SHISAL2A: variants seen among roughly 807,000 people sequenced by gnomAD.
SHISAL2A encodes the protein protein shisa-like-2A.
Under a neutral mutation model 11.5 loss-of-function variants are expected in SHISAL2A, and 18 were observed. The ratio of observed to expected loss-of-function variants is 1.57; its 90% CI spans 1.08 to 2.33. SHISAL2A has a LOEUF of 2.33. Ranked by LOEUF, SHISAL2A falls within the 30% of genes most tolerant of loss-of-function variation. The pLI is 0.00. For missense variants in SHISAL2A, 261 were observed against 250.9 expected, an observed-to-expected ratio of 1.04 and a Z score of -0.27; for synonymous variants, 94 against 99.6, an observed-to-expected ratio of 0.94 and a Z score of 0.34.
downstream of SHISAL2A, among the ~76,000 whole-genome samples, chr1:52,660,061 G>A (rs1021834993): frequency 6.6e-6 from 1 of 152,162 alleles, no homozygotes; most frequent in Admixed American, 6.5e-5. Context: ...TAGGTCAGGA[G>A]TAAGTCCCCA....
At chr1:52,650,386 C>A (rs1691606939) in intron 2 of SHISAL2A, among the ~76,000 whole-genome samples, 1 of 152,210 alleles carries the variant, frequency 6.6e-6, no homozygotes, top group African/African-American at 2.4e-5. Flanking sequence ...TAGTTCTAAT[C>A]TTGGCCTTGC....
chr1:52,650,574 T>C (rs1691611693), intron 2 of SHISAL2A, among the ~76,000 whole-genome samples: 1 of 152,106 alleles, frequency 6.6e-6, no homozygotes, highest in African/African-American at 2.4e-5. Flanking sequence ...GTCATTTTCA[T>C]TATTATTAGG....
intron 2 of SHISAL2A, among the ~76,000 whole-genome samples, chr1:52,653,989 G>T (rs1262258326): frequency 6.6e-6 from 1 of 152,164 alleles, no homozygotes; most frequent in Non-Finnish European, 1.5e-5. Flanking sequence ...CCAGAATGAG[G>T]ACTTGAGCCA....
intron 4 of SHISAL2A, among the ~76,000 whole-genome samples, chr1:52,662,511 ATTT>A (rs547508025): frequency 1.5e-5 from 2 of 137,654 alleles, no homozygotes; most frequent in Non-Finnish European, 1.6e-5. Flanking sequence ...TGCCCGGCTA[ATTT>A]TTTTTTTTTT....
chr1:52,641,612 G>A (rs77319341), intron 1 of SHISAL2A, among the ~76,000 whole-genome samples: 66 of 152,308 alleles, frequency 4.3e-4, no homozygotes, highest in African/African-American at 1.4e-3. Flanking sequence ...TGACACTGAC[G>A]TTGTCAGCAG....
At chr1:52,667,211 A>T (rs1692029830) in intron 4 of SHISAL2A, among the ~76,000 whole-genome samples, 1 of 152,354 alleles carries the variant, frequency 6.6e-6, no homozygotes, top group South Asian at 2.1e-4. Flanking sequence ...AAAGGTTTAT[A>T]TACTGGTTAC....
intron 1 of SHISAL2A, among the ~76,000 whole-genome samples, chr1:52,641,189 T>C (rs945469245): frequency 1.3e-5 from 2 of 152,178 alleles, no homozygotes; most frequent in African/African-American, 4.8e-5. Context: ...TAAACATAAG[T>C]GTTTTTTTGA....
rs1691801575 is a variant in SHISAL2A at position 52,656,849 on chromosome 1, C to T, written c.382C>T (p.Pro128Ser). 6.2e-7 allele frequency: 1 copy of T among 1,613,994 alleles called. No homozygotes were observed. Among genetic ancestry groups the T allele is most frequent in the Non-Finnish European group, 8.5e-7 (1 of 1,180,018 alleles). The change falls in exon 3 of 3, where the codon CCA becomes TCA. Residue 128 changes from proline to serine, a missense_variant. Transcript: ENST00000517870. Reference protein sequence around the residue: ...GVNTGMAAEVPKVSPLQQSYS... With the variant: ...GVNTGMAAEVSKVSPLQQSYS... Reference sequence around the variant, plus strand: ...GAACACAGGCATGGCGGCAGAAGTGCCAAAAGTGAGCCCTCTCCAGCAGAG... The same window carrying T: ...GAACACAGGCATGGCGGCAGAAGTGTCAAAAGTGAGCCCTCTCCAGCAGAG...
At chr1:52,657,825 A>T (rs1485283149), downstream of SHISAL2A, among the ~76,000 whole-genome samples, 1 of 152,190 alleles carries the variant, frequency 6.6e-6, no homozygotes, top group Non-Finnish European at 1.5e-5. Context: ...ACTGCACTCC[A>T]GCCTGGGCAA....
chr1:52,633,777 C>A lies in SHISAL2A; in HGVS notation c.182+102C>A. The A allele has an allele frequency of 1.1e-6, 1 of 952,180 alleles. No homozygotes were observed. 59.0% of individuals were successfully genotyped at this position (952,180 alleles called of 1,614,324 possible). A position where few individuals can be genotyped will look rare whatever the true frequency, so the allele number is the denominator to read the frequency against. On this transcript the variant is annotated intron_variant, in intron 1 of 2. Coordinates refer to ENST00000517870, the MANE Select transcript of SHISAL2A (RefSeq NM_001042693.3). The surrounding 1 kb of genome is among the most constrained non-coding windows in gnomAD (Gnocchi z 6.4). ...CGAGTGTCCACCTGAACATCAGCAGCAAGCTCTAGTCCTTACCGTCCTCAT... is the reference window on the plus strand; with the variant it reads ...CGAGTGTCCACCTGAACATCAGCAGAAAGCTCTAGTCCTTACCGTCCTCAT...
exon 5 of SHISAL2A, chr1:52,667,500 C>A: frequency 2.3e-6 from 1 of 435,936 alleles, no homozygotes; most frequent in Non-Finnish European, 3.0e-6. Flanking sequence ...ATCACCATCA[C>A]CACCACCACC....
intron 2 of SHISAL2A, among the ~76,000 whole-genome samples, chr1:52,646,008 A>G (rs1279054880): frequency 6.6e-6 from 1 of 152,260 alleles, no homozygotes; most frequent in Non-Finnish European, 1.5e-5. Context: ...GTTTAAAAAT[A>G]TAAGTTTTGT....
chr1:52,648,450 G>A (rs978095886), intron 2 of SHISAL2A, among the ~76,000 whole-genome samples: 2 of 152,130 alleles, frequency 1.3e-5, no homozygotes, highest in African/African-American at 4.8e-5. Context: ...TCATTTTACA[G>A]ATGAGGAAAC....
At chr1:52,643,347 C>T (rs540803) in intron 2 of SHISAL2A, among the ~76,000 whole-genome samples, 130,849 of 152,240 alleles carry the variant, frequency 0.86, 56,415 homozygotes, top group African/African-American at 0.93. Flanking sequence ...TTTTTAAAAT[C>T]TGCTGCTTCC....
At chr1:52,660,841 C>T, downstream of SHISAL2A, among the ~76,000 whole-genome samples, 1 of 152,104 alleles carries the variant, frequency 6.6e-6, no homozygotes. Flanking sequence ...AAATGAGGTC[C>T]CGATCCCTAT....
At chr1:52,635,687 C>T (rs573913594) in intron 1 of SHISAL2A, among the ~76,000 whole-genome samples, 2 of 152,098 alleles carry the variant, frequency 1.3e-5, no homozygotes, top group Non-Finnish European at 2.9e-5. Context: ...TCCAGCTACA[C>T]GACTCCTGAA....
chr1:52,652,092 A>C (rs1202222503), intron 2 of SHISAL2A, among the ~76,000 whole-genome samples: 1 of 152,198 alleles, frequency 6.6e-6, no homozygotes, highest in East Asian at 1.9e-4. Context: ...GACCAATCAG[A>C]TGATCAGAGG....
chr1:52,645,268 T>C (rs1691473132), intron 2 of SHISAL2A, among the ~76,000 whole-genome samples: 2 of 152,162 alleles, frequency 1.3e-5, no homozygotes, highest in African/African-American at 4.8e-5. Context: ...GGGGTCACTT[T>C]TGAGGGTGGA....
rs1571699227 is a variant in SHISAL2A at position 52,656,680 on chromosome 1, G to A, written c.323-110G>A. 3 of 1,168,696 alleles carry A rather than the reference G, an allele frequency of 2.6e-6. No individual in the cohort carries two copies. In the South Asian group the frequency reaches 4.5e-5, roughly 17 times the overall value. 72.4% of individuals were successfully genotyped at this position (1,168,696 alleles called of 1,614,324 possible). A position where few individuals can be genotyped will look rare whatever the true frequency, so the allele number is the denominator to read the frequency against. ...CATGTTAAACAAATGATGCTTCTAA[G>A]GCTCTGACCACAGTGCACTGCCCAA... On this transcript the variant is annotated intron_variant, in intron 2 of 2. Transcript: ENST00000517870.
Sources: gnomAD v4.1 joint callset for allele counts (sites outside exome capture counted in the v4.1 genomes callset) on GRCh38, gnomAD v4.1.1 for gene constraint, Gnocchi (gnomAD v3.1) non-coding constraint, MANE v1.5 for transcripts, NCBI Gene and HGNC (gene_info 2026-07-23, HGNC 2026-07-21) for gene names.